Variants in FGD5 observed in about 807,000 individuals in gnomAD.
FGD5 encodes FYVE, RhoGEF and PH domain-containing protein 5.
In FGD5, 28 loss-of-function variants were observed where a neutral mutation model predicts 133.4. That is an observed-to-expected ratio of 0.21 (90% CI 0.16 to 0.29). FGD5 has a LOEUF of 0.29. Ranked by LOEUF, FGD5 falls within the 10% of genes least tolerant of loss-of-function variation. The pLI is 1.00. For missense variants in FGD5, 1,858 were observed against 1,895.2 expected (o/e 0.98, Z 0.36); for synonymous variants, 810 against 776.5 (o/e 1.04, Z -0.72).
intron 1 of FGD5, among the ~76,000 whole-genome samples, chr3:14,852,187 C>G (rs1454486518): frequency 6.6e-6 from 1 of 152,178 alleles, no homozygotes; most frequent in Non-Finnish European, 1.5e-5. Flanking sequence ...CAAAAAGAAA[C>G]AATTCAAATG....
chr3:14,883,918 G>T (rs1438635691), intron 4 of FGD5, among the ~76,000 whole-genome samples: 2 of 152,244 alleles, frequency 1.3e-5, no homozygotes, highest in Admixed American at 1.3e-4. Flanking sequence ...GGTAGTGGTG[G>T]AAGAGGGCGT....
chr3:14,911,140 G>A (rs2038441973), intron 11 of FGD5, among the ~76,000 whole-genome samples: 2 of 152,192 alleles, frequency 1.3e-5, no homozygotes, highest in Admixed American at 1.3e-4. Context: ...TGAGTGGAAT[G>A]TTGGCAAGAT....
At chr3:14,882,219 C>T in intron 4 of FGD5, 3 of 836,926 alleles carry the variant, frequency 3.6e-6, no homozygotes, top group Non-Finnish European at 4.3e-6. Flanking sequence ...CTTCTCTCTC[C>T]CTTATTTCTG....
intron 11 of FGD5, among the ~76,000 whole-genome samples, chr3:14,912,137 A>G (rs1480041847): frequency 6.6e-6 from 1 of 152,096 alleles, no homozygotes; most frequent in African/African-American, 2.4e-5. Context: ...AATAGGCCCT[A>G]CCCGTAGAGG....
Position 14,910,805 on chromosome 3 carries a change from G to C in FGD5, c.3337-56G>C, listed in dbSNP as rs890219879. ...ACTCAGGGGCCTCCCCTGCACCCTT[G>C]TCTGGGATTCAGGGGGCATCAGCCT... On this transcript the variant is annotated intron_variant, in intron 10 of 19. Coordinates refer to ENST00000285046, the MANE Select transcript of FGD5 (RefSeq NM_152536.4). The C allele has an allele frequency of 1.1e-5, 17 of 1,546,792 alleles. No individual in the cohort carries two copies. The Middle Eastern group carries it at 5.1e-4, about 46-fold the overall frequency.
Position 14,922,561 on chromosome 3 carries a change from A to C in FGD5, c.3807+13A>C. ...CGCCTGTGGCAAGGTGAGTCGCTGC[A>C]TCTGGGGTGAGTGTGTGCATGGGGG... On this transcript the variant is annotated intron_variant, in intron 15 of 19. Coordinates refer to ENST00000285046, the MANE Select transcript of FGD5 (RefSeq NM_152536.4). The surrounding 1 kb of genome is among the most constrained non-coding windows in gnomAD (Gnocchi z 4.1). 1 of 1,565,920 alleles carries C rather than the reference A, an allele frequency of 6.4e-7. No individual in the cohort carries two copies.
intron 1 of FGD5, among the ~76,000 whole-genome samples, chr3:14,831,720 G>A (rs1263822045): frequency 1.3e-5 from 2 of 152,208 alleles, no homozygotes; most frequent in Non-Finnish European, 2.9e-5. Context: ...GCAGTAGGGA[G>A]CTATTCAAAG....
chr3:14,849,816 G>A (rs2037123700), intron 1 of FGD5, among the ~76,000 whole-genome samples: 1 of 152,094 alleles, frequency 6.6e-6, no homozygotes, highest in Non-Finnish European at 1.5e-5. Context: ...ACAGTGGTTG[G>A]GAAGAAGCCA....
At chr3:14,929,683 T>C (rs2038870334) in intron 18 of FGD5, among the ~76,000 whole-genome samples, 1 of 152,234 alleles carries the variant, frequency 6.6e-6, no homozygotes, top group African/African-American at 2.4e-5. Flanking sequence ...AGATCTCTTG[T>C]CCACTTTTTT....
At chr3:14,862,658 G>C (rs2037420758) in intron 1 of FGD5, among the ~76,000 whole-genome samples, 1 of 152,198 alleles carries the variant, frequency 6.6e-6, no homozygotes, top group African/African-American at 2.4e-5. Flanking sequence ...CAATGTTTTT[G>C]AAAAGGAAGA....
intron 1 of FGD5, among the ~76,000 whole-genome samples, chr3:14,861,569 C>A (rs1318899715): frequency 6.6e-6 from 1 of 152,224 alleles, no homozygotes; most frequent in Admixed American, 6.5e-5. Context: ...TGTATGTCAG[C>A]TCAGATTTGC....
rs1048387358 is a variant in FGD5 at position 14,924,641 on chromosome 3, C to A, written c.4068+503C>A. Among the ~76,000 whole-genome samples the A allele has an allele frequency of 2.6e-5, 4 of 152,202 alleles. No individual in the cohort carries two copies. In the South Asian group the frequency reaches 8.3e-4, roughly 32 times the overall value. On this transcript the variant is annotated intron_variant, in intron 17 of 19. Coordinates refer to ENST00000285046, the MANE Select transcript of FGD5 (RefSeq NM_152536.4). ...TTCACAACCACAGACCAATGTATGT[C>A]TGTGAATACACAAGGAGTCCACAAG...
intron 2 of FGD5, among the ~76,000 whole-genome samples, chr3:14,878,078 G>A (rs934522025): frequency 3.9e-5 from 6 of 152,214 alleles, no homozygotes; most frequent in African/African-American, 1.4e-4. Context: ...TTTGAGCAGA[G>A]ACCTGAAGGA....
intron 1 of FGD5, among the ~76,000 whole-genome samples, chr3:14,832,956 C>G (rs539387926): frequency 8.5e-5 from 13 of 152,336 alleles, no homozygotes; most frequent in African/African-American, 2.6e-4. Flanking sequence ...GATTGCCTGG[C>G]TATGCTCGGG....
chr3:14,908,104 C>T (rs1407068026), intron 10 of FGD5, among the ~76,000 whole-genome samples: 1 of 152,198 alleles, frequency 6.6e-6, no homozygotes, highest in Admixed American at 6.5e-5. Flanking sequence ...GATAAATCCA[C>T]TCTCTTTAAA....
At chr3:14,861,679 C>T (rs294630) in intron 1 of FGD5, among the ~76,000 whole-genome samples, 1 of 152,154 alleles carries the variant, frequency 6.6e-6, no homozygotes, top group African/African-American at 2.4e-5. Flanking sequence ...GAAACCACCC[C>T]CTGCTTGGCT....
At chr3:14,818,889 T>TA, upstream of FGD5, 4 of 1,411,822 alleles carry the variant, frequency 2.8e-6, no homozygotes, top group South Asian at 6.1e-5. Flanking sequence ...AACTGGTGTG[T>TA]AGGAGACTCT....
chr3:14,894,523 T>TAA (rs1272123099), intron 4 of FGD5, among the ~76,000 whole-genome samples: 12 of 124,632 alleles, frequency 9.6e-5, no homozygotes, highest in East Asian at 2.4e-4. Context: ...TTTTTTTTTT[T>TAA]TTCCTTTTTT....
At chr3:14,842,595 C>G (rs571159506) in intron 1 of FGD5, among the ~76,000 whole-genome samples, 2 of 152,320 alleles carry the variant, frequency 1.3e-5, no homozygotes, top group South Asian at 4.2e-4. Context: ...CAGGGCACAC[C>G]CTCTCCCGGA....
Sources: allele counts gnomAD v4.1 joint callset (sites outside exome capture counted in the v4.1 genomes callset), GRCh38; gene constraint gnomAD v4.1.1; non-coding constraint Gnocchi (gnomAD v3.1); transcripts MANE v1.5; gene names NCBI Gene and HGNC (gene_info 2026-07-23, HGNC 2026-07-21).